Variants in TRIM54 observed in about 807,000 individuals in gnomAD.
TRIM54 encodes tripartite motif-containing protein 54.
A neutral mutation model predicts 42.0 loss-of-function variants in TRIM54; 40 were observed. The ratio of observed to expected loss-of-function variants is 0.95; its 90% CI spans 0.74 to 1.24. TRIM54 has a LOEUF of 1.24. TRIM54 is among the 50% of genes most tolerant of loss of function. The pLI is 0.00. For missense variants in TRIM54, 485 were observed against 480.3 expected, an observed-to-expected ratio of 1.01 and a Z score of -0.09; for synonymous variants, 199 against 194.9, an observed-to-expected ratio of 1.02 and a Z score of -0.17.
At chr2:27,289,860 CTTTTTTTTTTTT>C (rs756771152) in intron 1 of TRIM54, among the ~76,000 whole-genome samples, 2,621 of 100,672 alleles carry the variant, frequency 0.026, 94 homozygotes, top group African/African-American at 0.096. Context: ...CTCTCTTTCT[CTTTTTTTTTTTT>C]TTTTTTTTTT....
rs752771631 is a variant in TRIM54 at position 27,305,805 on chromosome 2, G to A, written c.831G>A (p.Ala277=). ...AIQSMEEPQM[A]LYLQQAKELI... ...AGTCCATGGAAGAGCCACAAATGGC[G>A]CTGTATCTCCAGGTGGGCTCTAGGG... is the stretch of plus-strand genomic sequence containing the variant. Residue 277 remains alanine (A), a synonymous_variant, in exon 5 of 9, where the codon GCG becomes GCA. Transcript: ENST00000380075. 3.3e-5 allele frequency: 53 copies of A among 1,601,758 alleles called. No individual in the cohort carries two copies. The highest frequency in any genetic ancestry group is 4.1e-5 in the Non-Finnish European group (48 of 1,174,204).
intron 1 of TRIM54, among the ~76,000 whole-genome samples, chr2:27,292,628 C>T (rs1475224814): frequency 6.6e-6 from 1 of 152,164 alleles, no homozygotes; most frequent in Non-Finnish European, 1.5e-5. Flanking sequence ...CATACATTTA[C>T]ATTGTTGTGA....
Position 27,305,692 on chromosome 2 carries a change from G to C in TRIM54, c.718G>C (p.Glu240Gln), listed in dbSNP as rs748669142. 6.2e-7 allele frequency: 1 copy of C among 1,613,054 alleles called. No individual in the cohort carries two copies. Among genetic ancestry groups the C allele is most frequent in the Non-Finnish European group, 8.5e-7 (1 of 1,179,684 alleles). The change falls in exon 5 of 9, where the codon GAG becomes CAG. Residue 240 changes from glutamate (E) to glutamine (Q), a missense_variant. Physicochemically the swap from Glu to Gln is conservative, Grantham distance 29. Transcript: ENST00000380075. ...ELLQALAREQ[E>Q]EKLQRVRGLI... The stretch of plus-strand genomic sequence containing the variant: ...GCTGCAGGCGCTGGCCCGGGAGCAA[G>C]AGGAGAAGCTGCAGCGCGTCCGCGG...
Position 27,299,425 on chromosome 2 carries a change from CAG to C in TRIM54, c.513+10_513+11del, listed in dbSNP as rs373666080. 1,197 of 1,612,932 alleles carry C rather than the reference CAG, an allele frequency of 7.4e-4. 1 individual carries two copies. The highest frequency in any genetic ancestry group is 1.3e-3 in the African/African-American group (95 of 75,010). ...TTTACAAACGCCAGAAGGTATCAAA[CAG>C]GGGAGGGAGTAGATATGTGAGAGAT... On this transcript the variant is annotated intron_variant, in intron 3 of 8. Transcript: ENST00000380075.
chr2:27,299,681 T>TATCTATC (rs1468043907), intron 3 of TRIM54: 3 of 603,666 alleles, frequency 5.0e-6, no homozygotes, highest in Non-Finnish European at 8.7e-6. Context: ...CAGCCCTATC[T>TATCTATC]ATCTATCTAT....
In TRIM54 at chr2:27,282,710, G is replaced by A. The variant is rs1443823463; in HGVS notation, c.-22G>A. 1 of 1,601,190 alleles carries A rather than the reference G, an allele frequency of 6.2e-7. No individual in the cohort carries two copies. Among genetic ancestry groups the A allele is most frequent in the South Asian group, 1.1e-5 (1 of 89,030 alleles). On this transcript the variant is annotated 5_prime_UTR_variant, in exon 1 of 9. Transcript: ENST00000380075. ...AGTGAAGGCCAGGAGCAGGGCCCAG[G>A]CCAGGCACGACCACCGAGGGGATGA...
At chr2:27,298,087 C>T (rs1364061506) in intron 1 of TRIM54, among the ~76,000 whole-genome samples, 5 of 151,746 alleles carry the variant, frequency 3.3e-5, no homozygotes, top group Non-Finnish European at 7.4e-5. Flanking sequence ...AATTACCTGG[C>T]TAGTTACAGT....
intron 1 of TRIM54, among the ~76,000 whole-genome samples, chr2:27,284,266 A>G (rs1678495373): frequency 6.6e-6 from 1 of 152,242 alleles, no homozygotes; most frequent in Non-Finnish European, 1.5e-5. Context: ...TGTTAAACAC[A>G]AGTGATTTTT....
intron 3 of TRIM54, among the ~76,000 whole-genome samples, chr2:27,303,762 G>T (rs1558590203): frequency 6.6e-6 from 1 of 152,092 alleles, no homozygotes; most frequent in African/African-American, 2.4e-5. Context: ...CGTAATCCAT[G>T]AGTGAAGTCA....
intron 1 of TRIM54, among the ~76,000 whole-genome samples, chr2:27,288,707 G>A (rs1052933827): frequency 2.6e-5 from 4 of 152,230 alleles, no homozygotes; most frequent in Admixed American, 6.5e-5. Context: ...GAGTTAGATC[G>A]AATGGATGTT....
At chr2:27,289,490 A>T (rs1486438415) in intron 1 of TRIM54, among the ~76,000 whole-genome samples, 1 of 151,924 alleles carries the variant, frequency 6.6e-6, no homozygotes, top group East Asian at 1.9e-4. Flanking sequence ...CTAATTTTGT[A>T]TTTTTAGTAG....
chr2:27,286,783 T>A (rs1220277908), intron 1 of TRIM54, among the ~76,000 whole-genome samples: 1 of 152,170 alleles, frequency 6.6e-6, no homozygotes, highest in Admixed American at 6.5e-5. Context: ...CAAGGGGCAG[T>A]CTGAGAGAGA....
chr2:27,285,223 C>G (rs1418014904), intron 1 of TRIM54, among the ~76,000 whole-genome samples: 3 of 152,180 alleles, frequency 2.0e-5, no homozygotes, highest in African/African-American at 7.2e-5. Flanking sequence ...CTCAATATAT[C>G]TCAGTAGATC....
intron 1 of TRIM54, among the ~76,000 whole-genome samples, chr2:27,295,018 C>T (rs932117783): frequency 1.3e-5 from 2 of 151,458 alleles, no homozygotes; most frequent in Admixed American, 6.6e-5. Flanking sequence ...TATTCTATTT[C>T]TTGTAGACTA....
At chr2:27,283,784 G>GCGCGCGCGCACACACA (rs367621533) in intron 1 of TRIM54, among the ~76,000 whole-genome samples, 23 of 132,200 alleles carry the variant, frequency 1.7e-4, no homozygotes, top group South Asian at 5.0e-4. Flanking sequence ...ACACACGCGC[G>GCGCGCGCGCACACACA]CACACACACA....
intron 1 of TRIM54, among the ~76,000 whole-genome samples, chr2:27,295,122 A>G (rs13386555): frequency 0.05 from 7,595 of 151,130 alleles, 606 homozygotes; most frequent in African/African-American, 0.17. Context: ...TTGGAGTGCA[A>G]TGGCGCAATC....
intron 2 of TRIM54, among the ~76,000 whole-genome samples, chr2:27,299,020 TC>T (rs1475449059): frequency 6.6e-6 from 1 of 152,172 alleles, no homozygotes; most frequent in Non-Finnish European, 1.5e-5. Flanking sequence ...CTGTGGGACT[TC>T]CCTGCCCCCT....
Position 27,305,829 on chromosome 2 carries a change from G to T in TRIM54, c.843+12G>T, listed in dbSNP as rs771871801. 6.3e-7 allele frequency: 1 copy of T among 1,575,636 alleles called. No individual in the cohort carries two copies. The highest frequency in any genetic ancestry group is 2.3e-5 in the East Asian group (1 of 42,714). Reference sequence around the variant, plus strand: ...CGCTGTATCTCCAGGTGGGCTCTAGGGGAGGGTGGCAGCGCTGCACAGTGG... The same window carrying T: ...CGCTGTATCTCCAGGTGGGCTCTAGTGGAGGGTGGCAGCGCTGCACAGTGG... On this transcript the variant is annotated intron_variant, in intron 5 of 8. Coordinates refer to ENST00000380075, the MANE Select transcript of TRIM54 (RefSeq NM_187841.3).
chr2:27,283,550 CTCAGAAG>C (rs1678444538), intron 1 of TRIM54, among the ~76,000 whole-genome samples: 1 of 152,074 alleles, frequency 6.6e-6, no homozygotes, highest in Non-Finnish European at 1.5e-5. Context: ...AAATTTACTT[CTCAGAAG>C]TCCAGCCAGT....
Sources: allele counts gnomAD v4.1 joint callset (sites outside exome capture counted in the v4.1 genomes callset), GRCh38; gene constraint gnomAD v4.1.1; transcripts MANE v1.5; gene names NCBI Gene and HGNC (gene_info 2026-07-23, HGNC 2026-07-21).